Variants in LPCAT1 observed in about 807,000 individuals in gnomAD.
LPCAT1 encodes lysophosphatidylcholine acyltransferase 1, also known as 1-acylglycerol-3-phosphate O-acyltransferase.
A neutral mutation model predicts 60.9 loss-of-function variants in LPCAT1; 23 were observed. The observed-to-expected ratio is 0.38, with a 90% confidence interval of 0.27 to 0.53. The LOEUF is 0.53. Ranked by LOEUF, LPCAT1 falls within the 20% of genes least tolerant of loss-of-function variation. The pLI is 0.82. For missense variants in LPCAT1, 622 were observed against 723.6 expected, an observed-to-expected ratio of 0.86 and a Z score of 1.61; for synonymous variants, 340 against 301.1, an observed-to-expected ratio of 1.13 and a Z score of -1.34.
Position 1,476,165 on chromosome 5 carries a change from A to G in LPCAT1, c.899+1239T>C, listed in dbSNP as rs1164682541. Among the ~76,000 whole-genome samples, 17 of 152,368 alleles carry G rather than the reference A, an allele frequency of 1.1e-4. No homozygotes were observed. In the East Asian group the frequency reaches 3.3e-3, roughly 29 times the overall value. On this transcript the variant is annotated intron_variant, in intron 9 of 13. Transcript: ENST00000283415. This position sits in a 1 kb window ranked among gnomAD's most constrained non-coding sequence, Gnocchi z 8.6. ...CAGGCGATCTCTCCTTGAGCGCTGT[A>G]AAATCTGTTCTCTTCCTCCTAAGTC...
chr5:1,481,709 C>CT lies in LPCAT1; in HGVS notation c.727-734dup, dbSNP rs1491121714. The stretch of plus-strand genomic sequence containing the variant: ...TCGGAGTCTGTTGTCCTCGGGTTGA[C>CT]TTTTTTGCCCACAGGAGTTGCACTG... On this transcript the variant is annotated intron_variant, in intron 6 of 13. Transcript: ENST00000283415. This position sits in a 1 kb window ranked among gnomAD's most constrained non-coding sequence, Gnocchi z 7.8. Among the ~76,000 whole-genome samples, 9 of 152,264 alleles carry CT rather than the reference C, an allele frequency of 5.9e-5. No individual in the cohort carries two copies. Among genetic ancestry groups the CT allele is most frequent in the Non-Finnish European group, 1.2e-4 (8 of 68,048 alleles).
At chr5:1,473,194 T>C (rs1734758690) in intron 11 of LPCAT1, among the ~76,000 whole-genome samples, 2 of 152,212 alleles carry the variant, frequency 1.3e-5, no homozygotes, top group Non-Finnish European at 2.9e-5. Flanking sequence ...AAAACATATA[T>C]GGTGCTGTCA....
At chr5:1,463,895 G>A (rs1734215352) in intron 13 of LPCAT1, 60 bp from the exon 14 acceptor site, 3 of 1,576,368 alleles carry the variant, frequency 1.9e-6, no homozygotes, top group Non-Finnish European at 2.6e-6. Flanking sequence ...CTAGGATTTG[G>A]AGGCTCTTTT....
intron 12 of LPCAT1, among the ~76,000 whole-genome samples, chr5:1,467,812 G>C (rs756471802): frequency 1.1e-4 from 16 of 152,098 alleles, no homozygotes; most frequent in Non-Finnish European, 2.1e-4. Flanking sequence ...CCTCAGATGG[G>C]CCAGCTCTTC....
rs1200479480 is a variant in LPCAT1 at position 1,481,044 on chromosome 5, T to A, written c.727-68A>T. 6.4e-7 allele frequency: 1 copy of A among 1,571,430 alleles called. No individual in the cohort carries two copies. Among genetic ancestry groups the A allele is most frequent in the Non-Finnish European group, 8.7e-7 (1 of 1,144,524 alleles). On this transcript the variant is annotated intron_variant, in intron 6 of 13. Transcript: ENST00000283415. The surrounding 1 kb of genome is among the most constrained non-coding windows in gnomAD (Gnocchi z 7.8). ...CCAGGGCCTGCACCAAGCACCTGCGTGTGCCGGCCTCTCCCTGCACCTCCC... is the reference window on the plus strand; with the variant it reads ...CCAGGGCCTGCACCAAGCACCTGCGAGTGCCGGCCTCTCCCTGCACCTCCC...
intron 12 of LPCAT1, among the ~76,000 whole-genome samples, chr5:1,468,618 T>C (rs11133788): frequency 0.17 from 26,143 of 152,274 alleles, 3,010 homozygotes; most frequent in Non-Finnish European, 0.25. Flanking sequence ...AGGTTCTCAC[T>C]GTCCACTCTC....
chr5:1,509,418 A>C (rs967428520), intron 1 of LPCAT1, among the ~76,000 whole-genome samples: 2 of 152,254 alleles, frequency 1.3e-5, no homozygotes, highest in Non-Finnish European at 2.9e-5. Flanking sequence ...GAGCGGCAGC[A>C]CACACAGGCG....
intron 5 of LPCAT1, among the ~76,000 whole-genome samples, chr5:1,484,271 C>T (rs1276565249): frequency 4.6e-5 from 7 of 152,264 alleles, no homozygotes; most frequent in African/African-American, 1.7e-4. Flanking sequence ...GTGGCTGTAC[C>T]CAGCAGCCGC....
rs149537807 is a variant in LPCAT1 at position 1,484,100 on chromosome 5, G to A, written c.668-614C>T. Among the ~76,000 whole-genome samples the A allele has an allele frequency of 8.1e-4, 124 of 152,344 alleles. 1 individual carries two copies. The highest frequency in any genetic ancestry group is 2.8e-3 in the African/African-American group (117 of 41,578). ...CTGGGGCTCAGCTCCAAGGACGGGC[G>A]GATTTGGTCACAGCTGCAGCAGGAC... On this transcript the variant is annotated intron_variant, in intron 5 of 13. Transcript: ENST00000283415.
At chr5:1,516,202 C>A (rs1409663138) in intron 1 of LPCAT1, among the ~76,000 whole-genome samples, 1 of 152,240 alleles carries the variant, frequency 6.6e-6, no homozygotes, top group Non-Finnish European at 1.5e-5. Flanking sequence ...CCCAATGGCA[C>A]AGGCGCCACG....
chr5:1,471,320 G>A (rs756694427), intron 11 of LPCAT1, among the ~76,000 whole-genome samples: 10 of 152,210 alleles, frequency 6.6e-5, no homozygotes, highest in East Asian at 1.9e-4. Flanking sequence ...AGGTGAACCC[G>A]GAGCTGTGAC....
intron 3 of LPCAT1, among the ~76,000 whole-genome samples, chr5:1,493,706 C>A (rs1049553381): frequency 6.6e-6 from 1 of 152,332 alleles, no homozygotes; most frequent in Non-Finnish European, 1.5e-5. Context: ...GTCAGGGCTG[C>A]GCACAGGTGG....
intron 1 of LPCAT1, among the ~76,000 whole-genome samples, chr5:1,508,989 C>G (rs981849759): frequency 2.0e-5 from 3 of 152,278 alleles, no homozygotes; most frequent in Admixed American, 6.5e-5. Context: ...CTCACGCCAT[C>G]GCGGTGCCCG....
rs1735118242 is a variant in LPCAT1 at position 1,481,017 on chromosome 5, ACCC to A, written c.727-44_727-42del. ...CAGGGTCAGTCAGCATGGGGCCTGC[ACCC>A]AGGGCCTGCACCAAGCACCTGCGTG... On this transcript the variant is annotated intron_variant, in intron 6 of 13. Transcript: ENST00000283415. The surrounding 1 kb of genome is among the most constrained non-coding windows in gnomAD (Gnocchi z 7.8). 1 of 1,588,316 alleles carries A rather than the reference ACCC, an allele frequency of 6.3e-7. No homozygotes were observed. The highest frequency in any genetic ancestry group is 8.6e-7 in the Non-Finnish European group (1 of 1,164,472).
rs1735115393 is a variant in LPCAT1, at chr5:1,480,979, G to C, written c.727-3C>G. The stretch of plus-strand genomic sequence containing the variant: ...TGCCACGTCCATGTGATGGTGTCCT[G>C]GGGAGGAAGAGGCAGGGTCAGTCAG... On this transcript the variant is annotated splice_region_variant and splice_polypyrimidine_tract_variant and intron_variant, in intron 6 of 13. Transcript: ENST00000283415. This position sits in a 1 kb window ranked among gnomAD's most constrained non-coding sequence, Gnocchi z 6.4. 2.5e-6 allele frequency: 4 copies of C among 1,613,722 alleles called. No homozygotes were observed. The highest frequency in any genetic ancestry group is 3.4e-6 in the Non-Finnish European group (4 of 1,180,010).
intron 7 of LPCAT1, 25 bp from the exon 8 acceptor site, chr5:1,479,700 G>A: frequency 1.9e-6 from 3 of 1,588,334 alleles, no homozygotes; most frequent in Non-Finnish European, 2.6e-6. Context: ...GCACAATGTT[G>A]AGCAGATTTA....
At chr5:1,482,152 A>G (rs1735171596) in intron 6 of LPCAT1, among the ~76,000 whole-genome samples, 1 of 151,896 alleles carries the variant, frequency 6.6e-6, no homozygotes, top group Admixed American at 6.5e-5. Context: ...GGGGACCTTG[A>G]GTCCACCTGG....
rs912606842 is a variant in LPCAT1, at chr5:1,521,789, G to A, written c.135+1921C>T. On this transcript the variant is annotated intron_variant, in intron 1 of 13. Transcript: ENST00000283415. The surrounding 1 kb of genome is among the most constrained non-coding windows in gnomAD (Gnocchi z 4.3). ...TCAATCTCGGGACCAGGAGCCTCTC[G>A]ATGACCCCCTGCCCAAGAGCCACTG... is the stretch of plus-strand genomic sequence containing the variant. Among the ~76,000 whole-genome samples the A allele has an allele frequency of 2.0e-5, 3 of 152,168 alleles. No individual in the cohort carries two copies. The highest frequency in any genetic ancestry group is 1.9e-4 in the East Asian group (1 of 5,170).
chr5:1,483,018 T>G lies in LPCAT1; in HGVS notation c.726+410A>C, dbSNP rs1439505764. Among the ~76,000 whole-genome samples the G allele has an allele frequency of 1.3e-5, 2 of 152,180 alleles. No homozygotes were observed. Among genetic ancestry groups the G allele is most frequent in the Non-Finnish European group, 2.9e-5 (2 of 68,026 alleles). ...ACTTAAATGTTCTTAATTTTTAAAC[T>G]TCCTGGAGCATGAACTGGGTACTGA... On this transcript the variant is annotated intron_variant, in intron 6 of 13. Coordinates refer to ENST00000283415, the MANE Select transcript of LPCAT1 (RefSeq NM_024830.5). The surrounding 1 kb of genome is among the most constrained non-coding windows in gnomAD (Gnocchi z 9.2).
Sources: gnomAD v4.1 joint callset for allele counts (sites outside exome capture counted in the v4.1 genomes callset) on GRCh38, gnomAD v4.1.1 for gene constraint, Gnocchi (gnomAD v3.1) non-coding constraint, MANE v1.5 for transcripts, NCBI Gene and HGNC (gene_info 2026-07-23, HGNC 2026-07-21) for gene names.